Variants in BRD10 observed in about 807,000 individuals in gnomAD.
BRD10 encodes the protein uncharacterized bromodomain-containing protein 10.
At chr9:5,914,658 C>CAA in the BRD10 span, among the ~76,000 whole-genome samples, 1 of 151,812 alleles carries the variant, frequency 6.6e-6, no homozygotes, top group African/African-American at 2.4e-5. Context: ...CTCCTGACCT[C>CAA]GTGATCTGCC....
chr9:5,988,593 C>T, the BRD10 span: 19 of 1,381,942 alleles, frequency 1.4e-5, no homozygotes, highest in Admixed American at 3.3e-4. Flanking sequence ...TCTGGATAAG[C>T]AATAAACCCC....
At chr9:5,935,685 T>C in the BRD10 span, among the ~76,000 whole-genome samples, 1 of 152,220 alleles carries the variant, frequency 6.6e-6, no homozygotes, top group African/African-American at 2.4e-5. Context: ...GCATGTTTAT[T>C]TGGCATAAGA....
chr9:5,971,808 C>A, the BRD10 span, among the ~76,000 whole-genome samples: 6 of 152,066 alleles, frequency 3.9e-5, no homozygotes, highest in Non-Finnish European at 5.9e-5. Flanking sequence ...TCCAAAAGCA[C>A]ACACACTCAG....
chr9:5,973,066 G>A, the BRD10 span, among the ~76,000 whole-genome samples: 1 of 151,918 alleles, frequency 6.6e-6, no homozygotes, highest in African/African-American at 2.4e-5. Context: ...CACAAAGATA[G>A]GGGAAAAAAA....
At chr9:5,997,542 C>T in the BRD10 span, among the ~76,000 whole-genome samples, 871 of 151,830 alleles carry the variant, frequency 5.7e-3, 10 homozygotes, top group African/African-American at 0.02. Flanking sequence ...GTTAGATCAA[C>T]AGCACACCAG....
chr9:5,953,160 A>T, the BRD10 span, among the ~76,000 whole-genome samples: 3 of 152,176 alleles, frequency 2.0e-5, no homozygotes, highest in East Asian at 3.9e-4. Flanking sequence ...TATATTATCA[A>T]TATTTTCATA....
At chr9:5,931,134 G>A in the BRD10 span, among the ~76,000 whole-genome samples, 13 of 152,294 alleles carry the variant, frequency 8.5e-5, no homozygotes, top group African/African-American at 2.4e-4. Flanking sequence ...ATTCCTCACC[G>A]GGAGTTACAG....
the BRD10 span, chr9:5,908,529 A>T: frequency 3.6e-5 from 34 of 952,278 alleles, no homozygotes; most frequent in African/African-American, 5.4e-4. Context: ...AACACTTAGA[A>T]ATTTCAGTCC....
chr9:5,984,198 G>A, the BRD10 span, among the ~76,000 whole-genome samples: 5 of 151,876 alleles, frequency 3.3e-5, no homozygotes, highest in Admixed American at 6.6e-5. Context: ...GTAAAGGTGT[G>A]GATTAAATAT....
the BRD10 span, among the ~76,000 whole-genome samples, chr9:5,917,776 C>G: frequency 6.6e-6 from 1 of 152,182 alleles, no homozygotes; most frequent in South Asian, 2.1e-4. Flanking sequence ...TTGCTTGAAT[C>G]CAGGAGGCAG....
At chr9:5,890,052 G>T in the BRD10 span, among the ~76,000 whole-genome samples, 1 of 152,050 alleles carries the variant, frequency 6.6e-6, no homozygotes, top group Non-Finnish European at 1.5e-5. Flanking sequence ...TGAGAGTCTG[G>T]GACTAGATGC....
At chr9:5,973,311 A>T in the BRD10 span, among the ~76,000 whole-genome samples, 1 of 152,118 alleles carries the variant, frequency 6.6e-6, no homozygotes, top group Admixed American at 6.5e-5. Context: ...TACTAGAAAT[A>T]CAAAAATCAG....
the BRD10 span, chr9:5,919,583 C>CACACACACACACACAA: frequency 7.8e-6 from 8 of 1,025,318 alleles, no homozygotes; most frequent in African/African-American, 1.6e-5. Flanking sequence ...CACACACACA[C>CACACACACACACACAA]AATGTATAGT....
chr9:6,005,660 G>C, the BRD10 span, among the ~76,000 whole-genome samples: 2 of 152,080 alleles, frequency 1.3e-5, no homozygotes, highest in African/African-American at 2.4e-5. Flanking sequence ...TGAACTCTAA[G>C]GTTCTTCCAG....
the BRD10 span, chr9:5,919,172 G>C: frequency 6.5e-6 from 1 of 152,926 alleles, no homozygotes; most frequent in African/African-American, 2.4e-5. Context: ...ATTTAGTACA[G>C]GTTGTTAGGG....
At chr9:5,969,337 C>T in the BRD10 span, 1 of 1,613,522 alleles carries the variant, frequency 6.2e-7, no homozygotes. Flanking sequence ...ACATGGTCTC[C>T]ATACAAGTTG....
chr9:5,892,789 T>G, the BRD10 span, among the ~76,000 whole-genome samples: 1 of 152,210 alleles, frequency 6.6e-6, no homozygotes, highest in Non-Finnish European at 1.5e-5. Flanking sequence ...TTGCCATTTT[T>G]GGGTGCACTT....
chr9:5,911,088 T>C, the BRD10 span, among the ~76,000 whole-genome samples: 1 of 152,264 alleles, frequency 6.6e-6, no homozygotes. Context: ...GCCTGTGCTA[T>C]GTAGGGTATT....
At chr9:5,919,585 A>ACACACACACACAG in the BRD10 span, 1 of 350,824 alleles carries the variant, frequency 2.9e-6, no homozygotes, top group Non-Finnish European at 4.6e-6. Flanking sequence ...CACACACACA[A>ACACACACACACAG]TGTATAGTAT....
Sources: gnomAD v4.1 joint callset for allele counts (sites outside exome capture counted in the v4.1 genomes callset) on GRCh38, gnomAD v4.1.1 for gene constraint, MANE v1.5 for transcripts, NCBI Gene and HGNC (gene_info 2026-07-23, HGNC 2026-07-21) for gene names.